HPSE2: variants seen among roughly 807,000 people sequenced by gnomAD.
The protein encoded by HPSE2 is heparanase 2 (inactive), also known as inactive heparanase-2.
HPSE2 carries 38 observed loss-of-function variants against 60.5 expected under a neutral mutation model. The ratio of observed to expected loss-of-function variants is 0.63; its 90% CI spans 0.48 to 0.82. The LOEUF (loss-of-function observed/expected upper bound fraction) is 0.82. HPSE2 is among the 40% of genes least tolerant of loss of function. HPSE2 has a pLI of 0.00. For missense variants in HPSE2, 713 were observed against 740.4 expected, an observed-to-expected ratio of 0.96 and a Z score of 0.43; for synonymous variants, 295 against 293.2, an observed-to-expected ratio of 1.01 and a Z score of -0.06.
intron 2 of HPSE2, among the ~76,000 whole-genome samples, chr10:99,161,411 A>G (rs1245910331): frequency 6.6e-6 from 1 of 152,154 alleles, no homozygotes; most frequent in Admixed American, 6.5e-5. Flanking sequence ...GATAACCTCA[A>G]CAACATTAGA....
chr10:99,031,236 C>T (rs918553519), intron 3 of HPSE2, among the ~76,000 whole-genome samples: 3 of 152,120 alleles, frequency 2.0e-5, no homozygotes, highest in Admixed American at 2.0e-4. Context: ...CATACCAAAA[C>T]ATCTCATGTA....
intron 2 of HPSE2, among the ~76,000 whole-genome samples, chr10:99,209,496 G>A (rs539650232): frequency 2.0e-5 from 3 of 152,066 alleles, no homozygotes; most frequent in South Asian, 2.1e-4. Context: ...AAAATAAGAT[G>A]CAAGTTTATA....
intron 7 of HPSE2, among the ~76,000 whole-genome samples, chr10:98,630,400 T>C (rs879403740): frequency 1.1e-4 from 16 of 152,226 alleles, no homozygotes; most frequent in African/African-American, 2.2e-4. Flanking sequence ...TGTTTCACCA[T>C]GTTAGCCAAG....
intron 6 of HPSE2, among the ~76,000 whole-genome samples, chr10:98,651,654 ATCT>A (rs1418979116): frequency 1.3e-5 from 2 of 152,272 alleles, no homozygotes; most frequent in East Asian, 1.9e-4. Context: ...TCAGCATGTT[ATCT>A]TCTTCTCTGT....
intron 3 of HPSE2, among the ~76,000 whole-genome samples, chr10:98,815,992 A>G (rs11189830): frequency 0.039 from 5,313 of 136,740 alleles, 217 homozygotes; most frequent in East Asian, 0.19. Context: ...ACACATGAAC[A>G]CAGGAAGGGG....
the HPSE2 span, among the ~76,000 whole-genome samples, chr10:99,313,693 G>C: frequency 7.6e-6 from 1 of 131,818 alleles, no homozygotes; most frequent in Non-Finnish European, 1.5e-5. Flanking sequence ...TCCATCTCCC[G>C]GGTTCAAGTG....
At chr10:99,135,784 A>T (rs955674871) in intron 3 of HPSE2, among the ~76,000 whole-genome samples, 1 of 152,156 alleles carries the variant, frequency 6.6e-6, no homozygotes, top group South Asian at 2.1e-4. Context: ...AAATTCTTTT[A>T]ATTTAATATT....
At chr10:98,781,495 T>C (rs1477339408) in intron 3 of HPSE2, among the ~76,000 whole-genome samples, 1 of 152,116 alleles carries the variant, frequency 6.6e-6, no homozygotes, top group Non-Finnish European at 1.5e-5. Context: ...ATCATATCGT[T>C]AACATAAACG....
intron 3 of HPSE2, among the ~76,000 whole-genome samples, chr10:99,041,788 G>A (rs1957745498): frequency 6.6e-6 from 1 of 152,062 alleles, no homozygotes; most frequent in Non-Finnish European, 1.5e-5. Flanking sequence ...GCATTTCTCT[G>A]GGATGGAGCT....
intron 3 of HPSE2, among the ~76,000 whole-genome samples, chr10:98,918,325 C>T (rs1041666345): frequency 6.6e-6 from 1 of 152,096 alleles, no homozygotes; most frequent in Non-Finnish European, 1.5e-5. Flanking sequence ...CATCCCATTA[C>T]TGGGTATATA....
At chr10:98,846,263 C>A (rs1458167583) in intron 3 of HPSE2, among the ~76,000 whole-genome samples, 1 of 152,134 alleles carries the variant, frequency 6.6e-6, no homozygotes, top group Non-Finnish European at 1.5e-5. Context: ...TCATGCCCTG[C>A]CTGCCTACTT....
In HPSE2 at chr10:99,177,425, T is replaced by C. The variant is rs1282448351; in HGVS notation, c.449-33026A>G. On this transcript the variant is annotated intron_variant, in intron 2 of 11. Coordinates refer to ENST00000370552, the MANE Select transcript of HPSE2 (RefSeq NM_021828.5). ...GACTCAAAATAAATGGATGGAGAAA[T>C]ATTTACCAAGCAAATGGAAAGCAAA... Among the ~76,000 whole-genome samples the C allele has an allele frequency of 4.0e-5, 6 of 151,568 alleles. No homozygotes were observed. The East Asian group carries it at 5.8e-4, about 15-fold the overall frequency.
At chr10:99,007,075 G>C (rs1034399742) in intron 3 of HPSE2, among the ~76,000 whole-genome samples, 2 of 152,144 alleles carry the variant, frequency 1.3e-5, no homozygotes, top group Non-Finnish European at 2.9e-5. Context: ...TGAAGCCTGG[G>C]ATTATTGACA....
At chr10:98,828,298 G>T (rs771179957) in intron 3 of HPSE2, among the ~76,000 whole-genome samples, 17 of 152,182 alleles carry the variant, frequency 1.1e-4, no homozygotes, top group Non-Finnish European at 2.2e-4. Flanking sequence ...AACCTTGAAA[G>T]GTAAGCAGAA....
At chr10:98,675,028 T>C (rs1947601161) in intron 6 of HPSE2, among the ~76,000 whole-genome samples, 1 of 152,184 alleles carries the variant, frequency 6.6e-6, no homozygotes, top group Non-Finnish European at 1.5e-5. Context: ...TAATTAATAA[T>C]TATAAAAAAC....
intron 5 of HPSE2, among the ~76,000 whole-genome samples, chr10:98,703,044 C>T (rs868803103): frequency 7.9e-5 from 12 of 151,806 alleles, no homozygotes; most frequent in African/African-American, 2.7e-4. Flanking sequence ...GCTAACTAGA[C>T]TAATAAAGAA....
chr10:98,810,666 G>C (rs1311267567), intron 3 of HPSE2, among the ~76,000 whole-genome samples: 1 of 151,976 alleles, frequency 6.6e-6, no homozygotes, highest in Admixed American at 6.6e-5. Flanking sequence ...AGGGGTATAC[G>C]GTCTTTTGGC....
chr10:98,667,949 G>T (rs372822182), intron 6 of HPSE2, among the ~76,000 whole-genome samples: 23 of 152,232 alleles, frequency 1.5e-4, no homozygotes, highest in African/African-American at 5.5e-4. Context: ...GCAAGACAAA[G>T]AAATAAAAGG....
chr10:98,743,776 T>C, intron 4 of HPSE2, 107 bp downstream of exon 4: 1 of 1,050,650 alleles, frequency 9.5e-7, no homozygotes, highest in Non-Finnish European at 1.5e-6. Flanking sequence ...ATCACAAACG[T>C]TTTCTGGGCC....
Sources: gnomAD v4.1 joint callset for allele counts (sites outside exome capture counted in the v4.1 genomes callset) on GRCh38, gnomAD v4.1.1 for gene constraint, MANE v1.5 for transcripts, NCBI Gene and HGNC (gene_info 2026-07-23, HGNC 2026-07-21) for gene names.